NCOA2: variants seen among roughly 807,000 people sequenced by gnomAD.
NCOA2 encodes nuclear receptor coactivator 2.
Under a neutral mutation model 145.1 loss-of-function variants are expected in NCOA2, and 21 were observed. The observed-to-expected ratio is 0.14, with a 90% CI of 0.10 to 0.21. NCOA2 has a LOEUF of 0.21. NCOA2 is among the 10% of genes least tolerant of loss of function. The pLI, the probability that NCOA2 is intolerant of heterozygous loss-of-function variation, is 1.00. For missense variants in NCOA2, 1,472 were observed against 1,837.6 expected (o/e 0.80, Z 3.64); for synonymous variants, 619 against 637.5 (o/e 0.97, Z 0.44).
At chr8:70,141,144 G>A (rs1381332949) in intron 14 of NCOA2, 40 bp downstream of exon 14, 1 of 1,562,948 alleles carries the variant, frequency 6.4e-7, no homozygotes, top group Non-Finnish European at 8.8e-7. Context: ...TTCTAAGAGA[G>A]CATAAAAGTT....
At chr8:70,369,012 A>G (rs59494161) in intron 1 of NCOA2, among the ~76,000 whole-genome samples, 1 of 151,296 alleles carries the variant, frequency 6.6e-6, no homozygotes, top group Non-Finnish European at 1.5e-5. Context: ...AAAAAAAAGG[A>G]AAAAAAAGGG....
At chr8:70,282,478 G>C (rs1237299011) in intron 2 of NCOA2, among the ~76,000 whole-genome samples, 1 of 152,100 alleles carries the variant, frequency 6.6e-6, no homozygotes, top group Non-Finnish European at 1.5e-5. Flanking sequence ...TGGAGGTCAG[G>C]AGTTCAAGAC....
intron 5 of NCOA2, among the ~76,000 whole-genome samples, chr8:70,171,836 T>G (rs902267722): frequency 6.6e-6 from 1 of 152,026 alleles, no homozygotes; most frequent in African/African-American, 2.4e-5. Context: ...ATATTTTTTA[T>G]TTTTTGAGAC....
At chr8:70,401,088 A>AACAC (rs927877557) in intron 1 of NCOA2, among the ~76,000 whole-genome samples, 1 of 151,900 alleles carries the variant, frequency 6.6e-6, no homozygotes, top group Non-Finnish European at 1.5e-5. Flanking sequence ...AAAGAACAGG[A>AACAC]ACACACACAC....
chr8:70,162,954 G>A (rs11780107), intron 8 of NCOA2, 100 bp from the exon 9 acceptor site: 40,293 of 1,197,738 alleles, frequency 0.034, 902 homozygotes, highest in South Asian at 0.074. Flanking sequence ...TCACTCTATC[G>A]TCCAGGCTGG....
chr8:70,257,818 C>T (rs547421065), intron 2 of NCOA2, among the ~76,000 whole-genome samples: 1 of 152,204 alleles, frequency 6.6e-6, no homozygotes, highest in Admixed American at 6.5e-5. Context: ...TCCCTTCCTA[C>T]CTCCCTGATC....
At chr8:70,423,482 A>G in the NCOA2 span, among the ~76,000 whole-genome samples, 1 of 152,172 alleles carries the variant, frequency 6.6e-6, no homozygotes, top group South Asian at 2.1e-4. Context: ...GGCTTTCTTT[A>G]TACTTTCTAA....
chr8:70,290,378 C>T (rs998000820), intron 2 of NCOA2, among the ~76,000 whole-genome samples: 2 of 151,888 alleles, frequency 1.3e-5, no homozygotes, highest in African/African-American at 4.8e-5. Context: ...TTAGTAGACA[C>T]GGGGTTTCAC....
intron 2 of NCOA2, among the ~76,000 whole-genome samples, chr8:70,270,154 C>A (rs2135269695): frequency 2.0e-5 from 3 of 151,594 alleles, no homozygotes; most frequent in Middle Eastern, 6.8e-3. Context: ...TGCACTCCAG[C>A]CTGGGTGACA....
chr8:70,312,772 G>A (rs141653848), intron 1 of NCOA2, among the ~76,000 whole-genome samples: 200 of 152,058 alleles, frequency 1.3e-3, no homozygotes, highest in African/African-American at 4.5e-3. Flanking sequence ...ACCCAATATC[G>A]TACTTCGTAA....
the NCOA2 span, among the ~76,000 whole-genome samples, chr8:70,453,750 A>G: frequency 6.6e-6 from 1 of 152,200 alleles, no homozygotes; most frequent in East Asian, 1.9e-4. Flanking sequence ...CTGTGGATTC[A>G]GCACTGTGAA....
chr8:70,413,829 T>G, the NCOA2 span, among the ~76,000 whole-genome samples: 1 of 152,202 alleles, frequency 6.6e-6, no homozygotes, highest in Non-Finnish European at 1.5e-5. Flanking sequence ...CCCTGGGTTG[T>G]TTGTTTTGTT....
chr8:70,184,395 G>A (rs974476302), intron 4 of NCOA2, among the ~76,000 whole-genome samples: 1 of 152,230 alleles, frequency 6.6e-6, no homozygotes, highest in Non-Finnish European at 1.5e-5. Context: ...CCAAGTGGAG[G>A]TTGTACAAAT....
In NCOA2 at chr8:70,159,243, T is replaced by TATATATATATATGTATATATA. The variant is rs869045939; in HGVS notation, c.1124+261_1124+262insTATATATACATATATATATAT. Among the ~76,000 whole-genome samples the TATATATATATATGTATATATA allele has an allele frequency of 1.6e-4, 13 of 82,064 alleles. No individual in the cohort carries two copies. The East Asian group carries it at 4.7e-3, about 30-fold the overall frequency. 53.8% of individuals were successfully genotyped at this position (82,064 alleles called of 152,430 possible). A position where few individuals can be genotyped will look rare whatever the true frequency, so the allele number is the denominator to read the frequency against. The stretch of plus-strand genomic sequence containing the variant: ...AACATTATATATATATATATATATA[T>TATATATATATATGTATATATA]TTTTTTTTTTTTCCCCCAAATATTT... On this transcript the variant is annotated intron_variant, in intron 10 of 22. Coordinates refer to ENST00000452400, the MANE Select transcript of NCOA2 (RefSeq NM_006540.4).
chr8:70,227,648 T>TA (rs1820770491), intron 2 of NCOA2, among the ~76,000 whole-genome samples: 2 of 152,162 alleles, frequency 1.3e-5, no homozygotes, highest in Non-Finnish European at 2.9e-5. Context: ...TTGACATTAA[T>TA]AATGAAAATG....
chr8:70,447,682 CTTTT>C, the NCOA2 span, among the ~76,000 whole-genome samples: 1 of 113,088 alleles, frequency 8.8e-6, no homozygotes, highest in Non-Finnish European at 1.7e-5. Context: ...TCTTTGTTTT[CTTTT>C]TTTTTTTTTT....
At chr8:70,228,277 A>C (rs781450645) in intron 2 of NCOA2, among the ~76,000 whole-genome samples, 3 of 152,222 alleles carry the variant, frequency 2.0e-5, no homozygotes, top group Non-Finnish European at 4.4e-5. Context: ...AGACACAGGC[A>C]AGTAGCTGTC....
the NCOA2 span, among the ~76,000 whole-genome samples, chr8:70,444,855 G>T: frequency 6.6e-6 from 1 of 152,084 alleles, no homozygotes; most frequent in Admixed American, 6.6e-5. Context: ...AGGTTTTATA[G>T]TTCAAAATTA....
chr8:70,395,724 A>C (rs1423150655), intron 1 of NCOA2, among the ~76,000 whole-genome samples: 1 of 152,228 alleles, frequency 6.6e-6, no homozygotes, highest in African/African-American at 2.4e-5. Context: ...ATGATCTGCT[A>C]GTAAAGACAA....
Sources: allele counts gnomAD v4.1 joint callset (sites outside exome capture counted in the v4.1 genomes callset), GRCh38; gene constraint gnomAD v4.1.1; transcripts MANE v1.5; gene names NCBI Gene and HGNC (gene_info 2026-07-23, HGNC 2026-07-21).